DCAF13: variants seen among roughly 807,000 people sequenced by gnomAD.
DCAF13 encodes the protein DDB1- and CUL4-associated factor 13.
Under a neutral mutation model 59.0 loss-of-function variants are expected in DCAF13, and 38 were observed. That is an observed-to-expected ratio of 0.64 (90% confidence interval 0.50 to 0.84). DCAF13 has a LOEUF of 0.84. Among genes scored for constraint, DCAF13 ranks in the 40% least tolerant of loss-of-function variants. The probability of loss-of-function intolerance (pLI) is 0.00; values close to 1 mark genes in which losing one functional copy is unlikely to be tolerated. For missense variants in DCAF13, 469 were observed against 558.4 expected (o/e 0.84, Z 1.61); for synonymous variants, 173 against 175.0 (o/e 0.99, Z 0.09).
intron 8 of DCAF13, 23 bp from the exon 9 acceptor site, chr8:103,440,113 T>G: frequency 6.5e-7 from 1 of 1,529,396 alleles, no homozygotes; most frequent in Non-Finnish European, 8.7e-7. Flanking sequence ...CCAAAGGGTT[T>G]TAACTTAATT....
At chr8:103,418,859 TATATATA>T (rs1392493540) in intron 1 of DCAF13, among the ~76,000 whole-genome samples, 13 of 32,578 alleles carry the variant, frequency 4.0e-4, no homozygotes, top group Non-Finnish European at 5.3e-4. Flanking sequence ...TATATATATA[TATATATA>T]TTTTTTTTTT....
intron 1 of DCAF13, among the ~76,000 whole-genome samples, chr8:103,418,405 A>G (rs1421843607): frequency 6.6e-6 from 1 of 151,938 alleles, no homozygotes; most frequent in Non-Finnish European, 1.5e-5. Flanking sequence ...CTCAGGTCCA[A>G]GCTACTTGGG....
intron 6 of DCAF13, among the ~76,000 whole-genome samples, chr8:103,431,760 C>G (rs1193767541): frequency 1.3e-5 from 2 of 151,890 alleles, no homozygotes; most frequent in Non-Finnish European, 2.9e-5. Flanking sequence ...CATTTCTGCC[C>G]CCTCCCACCT....
chr8:103,426,747 C>T (rs2130483659), intron 4 of DCAF13, among the ~76,000 whole-genome samples: 1 of 151,942 alleles, frequency 6.6e-6, no homozygotes, highest in East Asian at 1.9e-4. Context: ...TTTTAAAAAT[C>T]ACTTTGTCGT....
At position 103,415,491 on chromosome 8, in the gene DCAF13, C is replaced by T; in HGVS notation, c.45C>T (p.Arg15=). 6.2e-7 allele frequency: 1 copy of T among 1,612,048 alleles called. No individual in the cohort carries two copies. Among genetic ancestry groups the T allele is most frequent in the Non-Finnish European group, 8.5e-7 (1 of 1,178,596 alleles). ...GCCGGAATCCGGACAATTATGTCCGCGAAACCAAGTTGGACTTACAGAGAG... is the reference window on the plus strand; with the variant it reads ...GCCGGAATCCGGACAATTATGTCCGTGAAACCAAGTTGGACTTACAGAGAG... ...MLSRNPDNYV[R]ETKLDLQRVP... The change falls in exon 1 of 11, where the codon CGC becomes CGT. Residue 15 remains arginine (R), a synonymous_variant. Coordinates refer to ENST00000612750, the MANE Select transcript of DCAF13 (RefSeq NM_015420.7).
chr8:103,424,582 G>A (rs1816765423), intron 3 of DCAF13, among the ~76,000 whole-genome samples: 1 of 152,210 alleles, frequency 6.6e-6, no homozygotes, highest in South Asian at 2.1e-4. Context: ...TCTATAAAAT[G>A]AGAAAACCCT....
Position 103,430,743 on chromosome 8 carries a change from G to C in DCAF13, c.702+54G>C. The C allele has an allele frequency of 3.2e-6, 4 of 1,258,032 alleles. 1 individual carries two copies. The allele number at this position is 1,258,032 out of a possible 1,614,324, so 77.9% of individuals were successfully genotyped here. A position where few individuals can be genotyped will look rare whatever the true frequency, so the allele number is the denominator to read the frequency against. ...TACAGTTGGCATTATATATTTCTCT[G>C]TAAATAGAGTGACTAACAATATGGA... On this transcript the variant is annotated intron_variant, in intron 6 of 10. Transcript: ENST00000612750.
intron 4 of DCAF13, 144 bp from the exon 5 acceptor site, chr8:103,426,953 C>T: frequency 1.8e-6 from 1 of 563,480 alleles, no homozygotes; most frequent in Non-Finnish European, 3.0e-6. Flanking sequence ...ATTGTTTCCC[C>T]CTTTAAGTAA....
At chr8:103,434,877 A>G (rs3098223) in intron 7 of DCAF13, among the ~76,000 whole-genome samples, 76,072 of 151,760 alleles carry the variant, frequency 0.5, 19,748 homozygotes, top group African/African-American at 0.64. Flanking sequence ...TTGAAAGGCC[A>G]TGTTCACTCT....
Position 103,441,589 on chromosome 8 carries a change from G to A in DCAF13, c.1221G>A (p.Gln407=), listed in dbSNP as rs535219601. 3.1e-6 allele frequency: 5 copies of A among 1,610,976 alleles called. No homozygotes were observed. In the African/African-American group the frequency reaches 4.0e-5, roughly 13 times the overall value. ...CTATCTATAGCCAGATTCAGGAACA[G>A]CGCATCATGAAAGAAGCTCGTCGAC... is the stretch of plus-strand genomic sequence containing the variant. The part of the protein sequence containing the change: ...PKSIYSQIQE[Q]RIMKEARRRK... The change falls in exon 10 of 11, where the codon CAG becomes CAA. Residue 407 remains glutamine, a synonymous_variant. Coordinates refer to ENST00000612750, the MANE Select transcript of DCAF13 (RefSeq NM_015420.7).
chr8:103,422,187 G>A (rs753097995), intron 3 of DCAF13, among the ~76,000 whole-genome samples: 32 of 152,282 alleles, frequency 2.1e-4, no homozygotes, highest in Non-Finnish European at 3.7e-4. Flanking sequence ...CTGTTGCTGA[G>A]GAGTACCAGC....
intron 5 of DCAF13, chr8:103,428,729 C>T (rs1475970078): frequency 6.6e-6 from 1 of 151,654 alleles, no homozygotes; most frequent in Non-Finnish European, 1.5e-5. Context: ...CACAAAAAAA[C>T]CTAAACAGAC....
intron 7 of DCAF13, among the ~76,000 whole-genome samples, chr8:103,433,335 C>T (rs1267693855): frequency 1.3e-5 from 2 of 152,090 alleles, no homozygotes; most frequent in African/African-American, 4.8e-5. Flanking sequence ...GTTATCTTTT[C>T]AGTATCCATA....
At chr8:103,438,255 G>A (rs1487143269) in intron 8 of DCAF13, among the ~76,000 whole-genome samples, 1 of 152,098 alleles carries the variant, frequency 6.6e-6, no homozygotes, top group Non-Finnish European at 1.5e-5. Flanking sequence ...AGCACTGAGC[G>A]GGAGAAGAAA....
At chr8:103,424,650 C>T (rs3134260) in intron 3 of DCAF13, among the ~76,000 whole-genome samples, 7,939 of 152,280 alleles carry the variant, frequency 0.052, 270 homozygotes, top group Non-Finnish European at 0.078. Context: ...ACAGCTTGGT[C>T]ATTTACAAGC....
intron 1 of DCAF13, 73 bp downstream of exon 1, chr8:103,415,589 A>G (rs1383951885): frequency 6.9e-7 from 1 of 1,449,514 alleles, no homozygotes; most frequent in Non-Finnish European, 9.3e-7. Flanking sequence ...TTCGCGGAGT[A>G]AAGCCGGGGG....
intron 8 of DCAF13, among the ~76,000 whole-genome samples, chr8:103,439,324 A>G (rs780365237): frequency 6.8e-6 from 1 of 146,836 alleles, no homozygotes; most frequent in South Asian, 2.1e-4. Context: ...CTTATCAGAC[A>G]CTTCTGTAGT....
intron 10 of DCAF13, 186 bp downstream of exon 10, chr8:103,441,804 G>A (rs1817014611): frequency 3.7e-6 from 2 of 544,888 alleles, no homozygotes; most frequent in African/African-American, 2.0e-5. Context: ...TTGAGACGGA[G>A]TCTCGCTCTG....
intron 1 of DCAF13, among the ~76,000 whole-genome samples, chr8:103,416,320 A>G (rs530036571): frequency 9.8e-5 from 15 of 152,346 alleles, no homozygotes; most frequent in African/African-American, 3.6e-4. Context: ...TGCTCAAAAG[A>G]TGTTTACAGT....
Sources: allele counts gnomAD v4.1 joint callset (sites outside exome capture counted in the v4.1 genomes callset), GRCh38; gene constraint gnomAD v4.1.1; transcripts MANE v1.5; gene names NCBI Gene and HGNC (gene_info 2026-07-23, HGNC 2026-07-21).